HECW2: variants seen among roughly 807,000 people sequenced by gnomAD.
HECW2 encodes the protein E3 ubiquitin-protein ligase HECW2.
HECW2 carries 61 observed loss-of-function variants against 175.2 expected under a neutral mutation model. The observed-to-expected ratio is 0.35, with a 90% CI of 0.28 to 0.43. The LOEUF (loss-of-function observed/expected upper bound fraction) is 0.43, where lower values mean the gene tolerates loss of function less well. HECW2 is among the 20% of genes least tolerant of loss of function. HECW2 has a pLI of 1.00. For missense variants in HECW2, 1,524 were observed against 2,000.5 expected (o/e 0.76, Z 4.54); for synonymous variants, 671 against 731.0 (o/e 0.92, Z 1.32).
chr2:196,301,042 C>T (rs999274365), intron 13 of HECW2, among the ~76,000 whole-genome samples: 7 of 151,300 alleles, frequency 4.6e-5, no homozygotes, highest in Admixed American at 2.0e-4. Context: ...ACCCCACCCC[C>T]GACAGGCACC....
intron 17 of HECW2, among the ~76,000 whole-genome samples, chr2:196,266,751 CTT>C (rs1196183287): frequency 6.6e-6 from 1 of 152,118 alleles, no homozygotes; most frequent in Non-Finnish European, 1.5e-5. Context: ...GAAACTTTAA[CTT>C]TTTATTAACT....
At chr2:196,256,715 C>T (rs1005541403) in intron 18 of HECW2, among the ~76,000 whole-genome samples, 12 of 152,180 alleles carry the variant, frequency 7.9e-5, no homozygotes, top group African/African-American at 9.6e-5. Flanking sequence ...CACACTCTAA[C>T]GTTAATTGAC....
chr2:196,593,066 G>A (rs1460177095), intron 1 of HECW2, among the ~76,000 whole-genome samples: 1 of 151,320 alleles, frequency 6.6e-6, no homozygotes, highest in African/African-American at 2.4e-5. Context: ...CCCCTCAGCG[G>A]CTCTTCCCGC....
At chr2:196,571,389 C>T (rs1364486477) in intron 1 of HECW2, among the ~76,000 whole-genome samples, 1 of 152,110 alleles carries the variant, frequency 6.6e-6, no homozygotes, top group Non-Finnish European at 1.5e-5. Flanking sequence ...CTGAGCAAAT[C>T]ATTAAGTCTA....
intron 1 of HECW2, among the ~76,000 whole-genome samples, chr2:196,510,624 A>G (rs1687914030): frequency 6.6e-6 from 1 of 152,090 alleles, no homozygotes; most frequent in Non-Finnish European, 1.5e-5. Flanking sequence ...TCCATCCCTC[A>G]ATACTAAAGA....
intron 2 of HECW2, among the ~76,000 whole-genome samples, chr2:196,431,209 A>G (rs1695702560): frequency 6.6e-6 from 1 of 152,192 alleles, no homozygotes; most frequent in African/African-American, 2.4e-5. Flanking sequence ...TTAATTCCAG[A>G]CTTAGGACTC....
At chr2:196,205,954 C>T (rs1405500995) in intron 28 of HECW2, among the ~76,000 whole-genome samples, 1 of 152,038 alleles carries the variant, frequency 6.6e-6, no homozygotes, top group Non-Finnish European at 1.5e-5. Flanking sequence ...AAATAAATTG[C>T]CCAATATTTA....
At chr2:196,456,823 T>C (rs1382922591) in intron 1 of HECW2, among the ~76,000 whole-genome samples, 2 of 152,322 alleles carry the variant, frequency 1.3e-5, no homozygotes, top group Non-Finnish European at 1.5e-5. Context: ...TCAACAAAAC[T>C]AGCCCACAGA....
At chr2:196,365,085 T>C (rs541204414) in intron 2 of HECW2, among the ~76,000 whole-genome samples, 6 of 152,354 alleles carry the variant, frequency 3.9e-5, no homozygotes, top group Non-Finnish European at 8.8e-5. Flanking sequence ...GCTATTGATC[T>C]AGCAAGGATG....
intron 2 of HECW2, among the ~76,000 whole-genome samples, chr2:196,420,712 T>C (rs550254634): frequency 6.6e-6 from 1 of 152,340 alleles, no homozygotes; most frequent in African/African-American, 2.4e-5. Flanking sequence ...AGCCCAGTTG[T>C]ACTCTGGTGC....
intron 1 of HECW2, among the ~76,000 whole-genome samples, chr2:196,539,618 G>C (rs1559165982): frequency 1.3e-5 from 2 of 152,080 alleles, no homozygotes; most frequent in Non-Finnish European, 1.5e-5. Context: ...CTGGACAACA[G>C]AGCAAGACTC....
intron 28 of HECW2, among the ~76,000 whole-genome samples, chr2:196,208,794 TGTTGAG>T (rs1306864130): frequency 1.3e-5 from 2 of 152,004 alleles, no homozygotes; most frequent in Non-Finnish European, 2.9e-5. Context: ...AGAGGGTACA[TGTTGAG>T]GTTGCAGGAG....
At chr2:196,278,387 G>A (rs62184599) in intron 15 of HECW2, 141 bp downstream of exon 15, 147,420 of 879,714 alleles carry the variant, frequency 0.17, 13,213 homozygotes, top group Middle Eastern at 0.22. Context: ...GTCAACATTC[G>A]AAAGCTTTTC....
At chr2:196,573,984 C>A (rs904589479) in intron 1 of HECW2, among the ~76,000 whole-genome samples, 1 of 151,816 alleles carries the variant, frequency 6.6e-6, no homozygotes. Context: ...AGTTCAAGAC[C>A]AGCCTGGGTA....
chr2:196,217,282 A>T, intron 26 of HECW2, 189 bp from the exon 27 acceptor site: 1 of 433,376 alleles, frequency 2.3e-6, no homozygotes, highest in Non-Finnish European at 4.1e-6. Context: ...AACAAAAACA[A>T]CATTAAGTGA....
intron 2 of HECW2, among the ~76,000 whole-genome samples, chr2:196,431,432 T>C (rs1028343773): frequency 2.0e-5 from 3 of 152,154 alleles, no homozygotes; most frequent in African/African-American, 7.2e-5. Context: ...ACAAAATAAA[T>C]CATCTTATAT....
intron 1 of HECW2, among the ~76,000 whole-genome samples, chr2:196,515,334 G>T (rs1688110319): frequency 6.6e-6 from 1 of 152,252 alleles, no homozygotes; most frequent in African/African-American, 2.4e-5. Context: ...AGTGCAGGCT[G>T]CTGGGCCAAG....
intron 1 of HECW2, among the ~76,000 whole-genome samples, chr2:196,446,497 T>G (rs10189621): frequency 0.054 from 8,159 of 152,276 alleles, 508 homozygotes; most frequent in African/African-American, 0.15. Flanking sequence ...CACCTCTAAG[T>G]TGGCAGCTGG....
intron 13 of HECW2, among the ~76,000 whole-genome samples, chr2:196,299,736 T>G (rs1011763973): frequency 1.2e-4 from 19 of 152,182 alleles, no homozygotes; most frequent in African/African-American, 4.3e-4. Flanking sequence ...GAGACCATCC[T>G]GGCTAACATG....
Sources: allele counts gnomAD v4.1 joint callset (sites outside exome capture counted in the v4.1 genomes callset), GRCh38; gene constraint gnomAD v4.1.1; transcripts MANE v1.5; gene names NCBI Gene and HGNC (gene_info 2026-07-23, HGNC 2026-07-21).